Variants in DIP2B observed in about 807,000 individuals in gnomAD.
The protein encoded by DIP2B is DIP2 acetate--CoA ligase B (putative).
DIP2B carries 76 observed loss-of-function variants against 198.0 expected under a neutral mutation model. The observed-to-expected ratio is 0.38, with a 90% CI of 0.32 to 0.46. DIP2B has a LOEUF of 0.46. DIP2B is among the 20% of genes least tolerant of loss of function. The pLI, the probability that DIP2B is intolerant of heterozygous loss-of-function variation, is 0.99. For synonymous variants in DIP2B, 701 were observed against 739.1 expected (o/e 0.95, Z 0.84); for missense variants, 1,559 against 1,978.4 (o/e 0.79, Z 4.02).
intron 4 of DIP2B, among the ~76,000 whole-genome samples, chr12:50,664,698 A>C (rs911929582): frequency 6.6e-6 from 1 of 152,124 alleles, no homozygotes; most frequent in African/African-American, 2.4e-5. Context: ...TAGACCACAT[A>C]ATGACCCTAA....
At chr12:50,720,762 T>C (rs1008910700) in intron 25 of DIP2B, among the ~76,000 whole-genome samples, 11 of 152,214 alleles carry the variant, frequency 7.2e-5, no homozygotes, top group African/African-American at 2.7e-4. Context: ...GCACTGCAGC[T>C]TGGGCAACAG....
chr12:50,677,302 G>C (rs996247789), intron 7 of DIP2B, among the ~76,000 whole-genome samples: 1 of 152,078 alleles, frequency 6.6e-6, no homozygotes, highest in Non-Finnish European at 1.5e-5. Flanking sequence ...TTTGTTCCAC[G>C]TGTAAATTAT....
At chr12:50,651,554 A>T (rs534882057) in intron 3 of DIP2B, among the ~76,000 whole-genome samples, 1 of 152,222 alleles carries the variant, frequency 6.6e-6, no homozygotes, top group South Asian at 2.1e-4. Context: ...GTGGATATTC[A>T]GTTTTCCTAA....
intron 34 of DIP2B, among the ~76,000 whole-genome samples, chr12:50,736,694 G>A (rs1016575191): frequency 3.3e-5 from 5 of 152,192 alleles, no homozygotes; most frequent in Non-Finnish European, 5.9e-5. Flanking sequence ...TCCAGTGAAT[G>A]AGAAAGAACA....
intron 1 of DIP2B, among the ~76,000 whole-genome samples, chr12:50,601,954 G>GTA (rs1958940580): frequency 6.6e-6 from 1 of 152,124 alleles, no homozygotes; most frequent in Admixed American, 6.5e-5. Context: ...TGCTCCAGTT[G>GTA]TATAATTCAA....
Position 50,743,953 on chromosome 12 carries a change from C to T in DIP2B, c.4479-634C>T, listed in dbSNP as rs187846871. Among the ~76,000 whole-genome samples, 10 of 152,326 alleles carry T rather than the reference C, an allele frequency of 6.6e-5. No homozygotes were observed. The East Asian group carries it at 1.9e-3, about 29-fold the overall frequency. On this transcript the variant is annotated intron_variant, in intron 37 of 37. Coordinates refer to ENST00000301180, the MANE Select transcript of DIP2B (RefSeq NM_173602.3). ...GGGATTCTCTCTGCTTCTCTGTGCC[C>T]TGGGCTACCCCAGAATATTCAAATC...
At chr12:50,744,549 T>A in intron 37 of DIP2B, 38 bp from the exon 38 acceptor site, 1 of 1,606,716 alleles carries the variant, frequency 6.2e-7, no homozygotes, top group Non-Finnish European at 8.5e-7. Context: ...AACTGAAAAA[T>A]GTAGTGACAA....
chr12:50,713,266 G>A (rs945956965), intron 22 of DIP2B, among the ~76,000 whole-genome samples: 9 of 152,158 alleles, frequency 5.9e-5, no homozygotes, highest in Non-Finnish European at 1.2e-4. Flanking sequence ...TTTTCTGTAA[G>A]TTAGCACCAG....
chr12:50,570,694 G>T (rs1346353349), intron 1 of DIP2B, among the ~76,000 whole-genome samples: 1 of 152,248 alleles, frequency 6.6e-6, no homozygotes, highest in Non-Finnish European at 1.5e-5. Flanking sequence ...GGCAACAAGA[G>T]TGAAACTCGG....
intron 28 of DIP2B, 39 bp from the exon 29 acceptor site, chr12:50,727,664 C>T (rs1939961419): frequency 1.3e-6 from 2 of 1,548,826 alleles, no homozygotes; most frequent in Non-Finnish European, 8.9e-7. Context: ...CATGTTCCAG[C>T]ATGTTGGATT....
chr12:50,732,308 C>A (rs1385453791), intron 31 of DIP2B, 58 bp from the exon 32 acceptor site: 2 of 1,584,502 alleles, frequency 1.3e-6, no homozygotes, highest in African/African-American at 1.3e-5. Flanking sequence ...AGTGGCCTTA[C>A]CTGTTCAGTT....
chr12:50,718,383 G>C (rs1478479470), intron 23 of DIP2B, among the ~76,000 whole-genome samples: 3 of 152,142 alleles, frequency 2.0e-5, no homozygotes, highest in Admixed American at 6.5e-5. Context: ...TCCTCAGAGT[G>C]AAAAATTCCT....
intron 8 of DIP2B, 110 bp downstream of exon 8, chr12:50,678,986 T>C (rs1938994296): frequency 8.0e-7 from 1 of 1,245,216 alleles, no homozygotes; most frequent in South Asian, 1.5e-5. Flanking sequence ...TTTCAGTAGA[T>C]TTTTTCAATA....
At chr12:50,696,709 A>C (rs753683430) in intron 16 of DIP2B, among the ~76,000 whole-genome samples, 27 of 152,218 alleles carry the variant, frequency 1.8e-4, no homozygotes, top group Non-Finnish European at 3.4e-4. Flanking sequence ...CCAATATTAA[A>C]TTGCACTGGC....
chr12:50,600,289 G>A (rs973739014), intron 1 of DIP2B, among the ~76,000 whole-genome samples: 3 of 152,186 alleles, frequency 2.0e-5, no homozygotes, highest in Admixed American at 6.5e-5. Context: ...AGTGTTGGAT[G>A]AGGACAAAAT....
chr12:50,734,124 T>G lies in DIP2B; in HGVS notation c.3982-11T>G, dbSNP rs750065869. 6.2e-7 allele frequency: 1 copy of G among 1,613,466 alleles called. No individual in the cohort carries two copies. Among genetic ancestry groups the G allele is most frequent in the Admixed American group, 1.7e-5 (1 of 59,976 alleles). On this transcript the variant is annotated splice_polypyrimidine_tract_variant and intron_variant, in intron 32 of 37. Transcript: ENST00000301180. Reference sequence around the variant, plus strand: ...AAATTCTAAACAACGCATTGATTTGTCTTTCTTTAGGGAACCTCAGGGCCT... The same window carrying G: ...AAATTCTAAACAACGCATTGATTTGGCTTTCTTTAGGGAACCTCAGGGCCT...
At chr12:50,609,438 T>G (rs1278090301) in intron 1 of DIP2B, among the ~76,000 whole-genome samples, 1 of 152,252 alleles carries the variant, frequency 6.6e-6, no homozygotes, top group Non-Finnish European at 1.5e-5. Context: ...GTACAGCAAC[T>G]CTGCTTCATG....
intron 4 of DIP2B, among the ~76,000 whole-genome samples, chr12:50,662,664 G>C (rs1047359552): frequency 2.0e-5 from 3 of 152,144 alleles, no homozygotes; most frequent in Non-Finnish European, 2.9e-5. Flanking sequence ...TGTGGAATAG[G>C]TTTTATCTCG....
chr12:50,691,687 A>C (rs1016119190), intron 13 of DIP2B, among the ~76,000 whole-genome samples: 3 of 152,216 alleles, frequency 2.0e-5, no homozygotes, highest in Non-Finnish European at 4.4e-5. Context: ...ACCAGACAAC[A>C]ATGTTCTATC....
Sources: gnomAD v4.1 joint callset for allele counts (sites outside exome capture counted in the v4.1 genomes callset) on GRCh38, gnomAD v4.1.1 for gene constraint, MANE v1.5 for transcripts, NCBI Gene and HGNC (gene_info 2026-07-23, HGNC 2026-07-21) for gene names.